Variants in SLC27A1 observed in about 807,000 individuals in gnomAD.
The protein encoded by SLC27A1 is solute carrier family 27 member 1.
A neutral mutation model predicts 62.2 loss-of-function variants in SLC27A1; 61 were observed. The observed-to-expected ratio is 0.98, with a 90% CI of 0.80 to 1.21. The LOEUF is 1.21. Ranked by LOEUF, SLC27A1 falls within the 50% of genes most tolerant of loss-of-function variation. SLC27A1 has a pLI of 0.00. For synonymous variants in SLC27A1, 435 were observed against 408.6 expected (o/e 1.06, Z -0.78); for missense variants, 903 against 932.1 (o/e 0.97, Z 0.41).
rs141631799 is a variant in SLC27A1, at chr19:17,500,719, G to A, written c.1479G>A (p.Val493=). The A allele has an allele frequency of 1.2e-3, 1,997 of 1,614,142 alleles. No individual in the cohort carries two copies. The highest frequency in any genetic ancestry group is 1.5e-3 in the Non-Finnish European group (1,789 of 1,180,032). Residue 493 remains valine (V), a synonymous_variant, in exon 10 of 12, where the codon GTG becomes GTA. Coordinates refer to ENST00000252595, the MANE Select transcript of SLC27A1 (RefSeq NM_198580.3). ...KGDSAYLSGD[V]LVMDELGYMY... ...CCCTCTCCCCTCTGCCAGGTGACGTGCTAGTGATGGATGAGCTGGGCTACA... is the reference window on the plus strand; with the variant it reads ...CCCTCTCCCCTCTGCCAGGTGACGTACTAGTGATGGATGAGCTGGGCTACA...
chr19:17,471,846 A>G (rs964636815), intron 1 of SLC27A1, among the ~76,000 whole-genome samples: 4 of 152,086 alleles, frequency 2.6e-5, no homozygotes, highest in Admixed American at 6.6e-5. Context: ...GACACCTTCC[A>G]TGGCCAGCCC....
At chr19:17,471,673 A>G (rs2075077936) in intron 1 of SLC27A1, among the ~76,000 whole-genome samples, 1 of 152,100 alleles carries the variant, frequency 6.6e-6, no homozygotes, top group African/African-American at 2.4e-5. Context: ...GAGGGACTGA[A>G]CCCATTGTAA....
rs1459440708 is a variant in SLC27A1, at chr19:17,505,369, GCCT to G, written c.*761_*763del. The G allele has an allele frequency of 6.3e-6, 1 of 159,846 alleles. No individual in the cohort carries two copies. The highest frequency in any genetic ancestry group is 1.4e-5 in the Non-Finnish European group (1 of 72,118). 9.9% of individuals were successfully genotyped at this position (159,846 alleles called of 1,614,324 possible). ...TGTGCCTTACGGAGCCCCGATCCAG[GCCT>G]CCTGTGGCTGTTGGGTTCCAGATGC... On this transcript the variant is annotated 3_prime_UTR_variant, in exon 12 of 12. Transcript: ENST00000252595.
chr19:17,476,935 C>T (rs11671633), intron 1 of SLC27A1, among the ~76,000 whole-genome samples: 49,389 of 143,730 alleles, frequency 0.34, 8,577 homozygotes, highest in Middle Eastern at 0.4. Flanking sequence ...GTCACCCAGG[C>T]TGGAGTGCAG....
At chr19:17,481,230 T>C (rs2075174957) in intron 1 of SLC27A1, among the ~76,000 whole-genome samples, 1 of 151,960 alleles carries the variant, frequency 6.6e-6, no homozygotes, top group Admixed American at 6.6e-5. Context: ...CGGCGGTGTT[T>C]GGATTTCTGT....
At position 17,477,240 on chromosome 19, in the gene SLC27A1, C is replaced by CTTTTTTTTTTTTTTTTTT. The variant is rs1221324202; in HGVS notation, c.167+6540_167+6557dup. Among the ~76,000 whole-genome samples the CTTTTTTTTTTTTTTTTTT allele has an allele frequency of 1.8e-3, 81 of 43,816 alleles. 24 individuals carry two copies. The highest frequency in any genetic ancestry group is 2.8e-3 in the Non-Finnish European group (70 of 24,866). The allele number at this position is 43,816 out of a possible 152,430, so 28.7% of individuals were successfully genotyped here. A position where few individuals can be genotyped will look rare whatever the true frequency, so the allele number is the denominator to read the frequency against. ...TTATTGGTTGAATGGATGAGCAGCG[C>CTTTTTTTTTTTTTTTTTT]TTTTTTTTTTTTTTTTTTTTTTTTG... On this transcript the variant is annotated intron_variant, in intron 1 of 11. Coordinates refer to ENST00000252595, the MANE Select transcript of SLC27A1 (RefSeq NM_198580.3).
rs751307340 is a variant in SLC27A1 at position 17,500,543 on chromosome 19, G to A, written c.1382G>A (p.Arg461His). The change falls in exon 9 of 12, where the codon CGC (arginine) becomes CAC (histidine). Residue 461 changes from arginine to histidine, a missense_variant. Coordinates refer to ENST00000252595, the MANE Select transcript of SLC27A1 (RefSeq NM_198580.3). ...CAGATCAACCAACAGGACCCGCTGC[G>A]CCGCTTCGATGGCTATGTCAGCGAG... Reference protein sequence around the residue: ...VGQINQQDPLRRFDGYVSESA... With the variant: ...VGQINQQDPLHRFDGYVSESA... The A allele has an allele frequency of 1.6e-5, 26 of 1,613,346 alleles. No individual in the cohort carries two copies. Among genetic ancestry groups the A allele is most frequent in the Non-Finnish European group, 2.2e-5 (26 of 1,179,808 alleles).
upstream of SLC27A1, among the ~76,000 whole-genome samples, chr19:17,469,598 T>C (rs1396387984): frequency 6.6e-6 from 1 of 151,988 alleles, no homozygotes; most frequent in Admixed American, 6.6e-5. Flanking sequence ...CACCCATGTC[T>C]CTTTGGCCGT....
At chr19:17,488,351 C>G (rs1010904150) in intron 4 of SLC27A1, among the ~76,000 whole-genome samples, 3 of 152,108 alleles carry the variant, frequency 2.0e-5, no homozygotes, top group East Asian at 3.9e-4. Context: ...CAGCAAGACT[C>G]CCTCTCAAAA....
At chr19:17,487,754 T>A (rs2075251959) in intron 4 of SLC27A1, among the ~76,000 whole-genome samples, 1 of 152,050 alleles carries the variant, frequency 6.6e-6, no homozygotes, top group South Asian at 2.1e-4. Flanking sequence ...GACAAAGGCA[T>A]CACACCCATT....
intron 11 of SLC27A1, chr19:17,503,612 A>T (rs2144626556): frequency 6.9e-6 from 1 of 145,914 alleles, no homozygotes; most frequent in South Asian, 2.2e-4. Flanking sequence ...CGCACGTGCC[A>T]TGACACCCAG....
chr19:17,490,843 C>T (rs1228059526), intron 6 of SLC27A1, among the ~76,000 whole-genome samples: 3 of 152,054 alleles, frequency 2.0e-5, no homozygotes, highest in Admixed American at 6.6e-5. Context: ...GCCTGGCCAA[C>T]AGGGTGAAAC....
chr19:17,497,957 T>G, intron 7 of SLC27A1: 2 of 183,686 alleles, frequency 1.1e-5, no homozygotes, highest in South Asian at 1.8e-4. Flanking sequence ...ACAGATACCT[T>G]CATAATTAGC....
Position 17,495,264 on chromosome 19 carries a change from C to T in SLC27A1, c.997-1991C>T, listed in dbSNP as rs1240344720. On this transcript the variant is annotated intron_variant, in intron 6 of 11. Coordinates refer to ENST00000252595, the MANE Select transcript of SLC27A1 (RefSeq NM_198580.3). ...TGCTGGGATTACAGGCATGAGCCAC[C>T]GCGCCCAGCCATGTGCCCATTTTTT... Among the ~76,000 whole-genome samples the T allele has an allele frequency of 8.0e-5, 12 of 149,264 alleles. 1 individual carries two copies. The highest frequency in any genetic ancestry group is 6.4e-4 in the South Asian group (3 of 4,702).
At chr19:17,478,057 C>T (rs1281663621) in intron 1 of SLC27A1, among the ~76,000 whole-genome samples, 3 of 152,116 alleles carry the variant, frequency 2.0e-5, no homozygotes, top group East Asian at 3.8e-4. Context: ...CTAAAACCCA[C>T]GCCTGAAGAA....
chr19:17,500,150 C>T, intron 7 of SLC27A1, 128 bp from the exon 8 acceptor site: 1 of 1,446,804 alleles, frequency 6.9e-7, no homozygotes, highest in Non-Finnish European at 9.3e-7. Context: ...GCAGATCAGC[C>T]AAGGTCACAG....
At chr19:17,489,172 C>A in intron 6 of SLC27A1, 55 bp downstream of exon 6, 1 of 1,468,768 alleles carries the variant, frequency 6.8e-7, no homozygotes, top group Non-Finnish European at 9.4e-7. Flanking sequence ...AGGCCTCACC[C>A]CCTCCCAATC....
chr19:17,491,717 T>G (rs1188069239), intron 6 of SLC27A1, among the ~76,000 whole-genome samples: 1 of 151,402 alleles, frequency 6.6e-6, no homozygotes, highest in Admixed American at 6.6e-5. Context: ...TACAAAAAAA[T>G]TGAAAATCTA....
intron 4 of SLC27A1, among the ~76,000 whole-genome samples, chr19:17,487,945 C>G (rs531713532): frequency 9.9e-5 from 15 of 152,184 alleles, no homozygotes; most frequent in Admixed American, 9.2e-4. Flanking sequence ...CTGCTCCCCC[C>G]ACTCTCTCCT....
Sources: allele counts gnomAD v4.1 joint callset (sites outside exome capture counted in the v4.1 genomes callset), GRCh38; gene constraint gnomAD v4.1.1; transcripts MANE v1.5; gene names NCBI Gene and HGNC (gene_info 2026-07-23, HGNC 2026-07-21).